The following ZFPM2 variants were observed in gnomAD, a reference collection of about 807,000 sequenced individuals.
The protein encoded by ZFPM2 is zinc finger protein ZFPM2.
Under a neutral mutation model 98.6 loss-of-function variants are expected in ZFPM2, and 20 were observed. That is an observed-to-expected ratio of 0.20 (90% CI 0.14 to 0.29). The LOEUF is 0.29. Ranked by LOEUF, ZFPM2 falls within the 10% of genes least tolerant of loss-of-function variation. The pLI, the probability that ZFPM2 is intolerant of heterozygous loss-of-function variation, is 1.00. For missense variants in ZFPM2, 1,310 were observed against 1,388.6 expected (o/e 0.94, Z 0.90); for synonymous variants, 518 against 502.7 (o/e 1.03, Z -0.41).
chr8:105,356,231 A>C (rs1014476827), intron 1 of ZFPM2, among the ~76,000 whole-genome samples: 4 of 152,134 alleles, frequency 2.6e-5, no homozygotes, highest in African/African-American at 9.7e-5. Context: ...TCCCTTTGGC[A>C]CTTGGTTTTC....
At chr8:105,389,013 C>CGTGTGTGTGTGT (rs142145699) in intron 1 of ZFPM2, among the ~76,000 whole-genome samples, 232 of 134,900 alleles carry the variant, frequency 1.7e-3, no homozygotes, top group East Asian at 5.8e-3. Context: ...AATTTGATGA[C>CGTGTGTGTGTGT]GTGTGTGTGT....
At chr8:105,632,458 C>A (rs1342581111) in intron 4 of ZFPM2, among the ~76,000 whole-genome samples, 2 of 152,098 alleles carry the variant, frequency 1.3e-5, no homozygotes. Flanking sequence ...GAGTGAGCCA[C>A]CACGCCCGAC....
intron 5 of ZFPM2, among the ~76,000 whole-genome samples, chr8:105,782,077 C>T (rs1478511630): frequency 1.3e-5 from 2 of 152,194 alleles, no homozygotes; most frequent in African/African-American, 4.8e-5. Context: ...CTTCCAGCAT[C>T]ATGATCCCAC....
intron 5 of ZFPM2, 62 bp from the exon 6 acceptor site, chr8:105,788,656 A>C: frequency 6.7e-7 from 1 of 1,494,746 alleles, no homozygotes; most frequent in South Asian, 1.1e-5. Context: ...ACATCAATCT[A>C]GTTTACAACA....
At chr8:105,445,183 A>T (rs1193693898) in intron 3 of ZFPM2, among the ~76,000 whole-genome samples, 3 of 152,200 alleles carry the variant, frequency 2.0e-5, no homozygotes. Flanking sequence ...TGACTTTGCA[A>T]ATTGCTCTCT....
chr8:105,363,680 G>A (rs564211727), intron 1 of ZFPM2, among the ~76,000 whole-genome samples: 1 of 152,168 alleles, frequency 6.6e-6, no homozygotes, highest in Non-Finnish European at 1.5e-5. Context: ...ACACACTGTG[G>A]AAGGTGCAAT....
chr8:105,418,496 A>G (rs1586357807), intron 1 of ZFPM2: 1 of 507,106 alleles, frequency 2.0e-6, no homozygotes, highest in Non-Finnish European at 3.9e-6. Flanking sequence ...TATTACTGAA[A>G]AAGTATCACA....
chr8:105,427,601 C>A (rs1811940986), intron 2 of ZFPM2, among the ~76,000 whole-genome samples: 1 of 152,214 alleles, frequency 6.6e-6, no homozygotes, highest in Admixed American at 6.5e-5. Context: ...AAAGTGTTTG[C>A]CCACCCATTA....
At chr8:105,780,983 G>A (rs1813231392) in intron 5 of ZFPM2, among the ~76,000 whole-genome samples, 1 of 152,230 alleles carries the variant, frequency 6.6e-6, no homozygotes, top group South Asian at 2.1e-4. Context: ...TGATCATCAA[G>A]ACACTTTTTT....
At chr8:105,734,766 C>G (rs760629224) in intron 5 of ZFPM2, among the ~76,000 whole-genome samples, 20 of 151,828 alleles carry the variant, frequency 1.3e-4, no homozygotes, top group Non-Finnish European at 2.2e-4. Context: ...TGTCATCACT[C>G]TGGTGTTGAA....
intron 5 of ZFPM2, among the ~76,000 whole-genome samples, chr8:105,728,008 C>T (rs779050786): frequency 2.0e-4 from 30 of 149,910 alleles, no homozygotes; most frequent in Admixed American, 9.3e-4. Context: ...GTCAGATTCA[C>T]GGGACAATGT....
At chr8:105,333,991 A>G (rs1812280177) in intron 1 of ZFPM2, among the ~76,000 whole-genome samples, 1 of 151,650 alleles carries the variant, frequency 6.6e-6, no homozygotes, top group African/African-American at 2.4e-5. Context: ...TATTGTTTTC[A>G]GTTTTTAACC....
intron 5 of ZFPM2, among the ~76,000 whole-genome samples, chr8:105,700,856 G>A (rs761185350): frequency 2.0e-5 from 3 of 152,144 alleles, no homozygotes; most frequent in East Asian, 1.9e-4. Flanking sequence ...CTCCCAAAGC[G>A]CTGGGATTAC....
chr8:105,789,354 G>C (rs201063348), intron 6 of ZFPM2, among the ~76,000 whole-genome samples: 1 of 152,032 alleles, frequency 6.6e-6, no homozygotes, highest in African/African-American at 2.4e-5. Context: ...TTGTTCTTGC[G>C]ATAGTTTACT....
intron 3 of ZFPM2, among the ~76,000 whole-genome samples, chr8:105,447,247 G>T (rs1812393629): frequency 1.3e-5 from 2 of 150,838 alleles, no homozygotes; most frequent in South Asian, 2.1e-4. Context: ...GATTCCATGG[G>T]TTTAGGTTCA....
intron 3 of ZFPM2, among the ~76,000 whole-genome samples, chr8:105,552,022 A>G (rs966995166): frequency 1.3e-5 from 2 of 152,226 alleles, no homozygotes; most frequent in African/African-American, 4.8e-5. Context: ...TTAACAGACT[A>G]CGTGTTGACT....
At chr8:105,540,969 T>A (rs1464814741) in intron 3 of ZFPM2, among the ~76,000 whole-genome samples, 1 of 152,160 alleles carries the variant, frequency 6.6e-6, no homozygotes. Context: ...TGCCACTACA[T>A]GACTTTGAAA....
chr8:105,660,142 A>AT (rs539247907), intron 5 of ZFPM2, among the ~76,000 whole-genome samples: 2,418 of 148,710 alleles, frequency 0.016, 26 homozygotes, highest in African/African-American at 0.041. Flanking sequence ...AGTCAAGTAC[A>AT]TTTTTTTTTT....
chr8:105,492,088 A>G (rs1188671127), intron 3 of ZFPM2, among the ~76,000 whole-genome samples: 2 of 152,202 alleles, frequency 1.3e-5, no homozygotes, highest in African/African-American at 2.4e-5. Flanking sequence ...GCCTACAAAC[A>G]TCAACAATAA....
Sources: gnomAD v4.1 joint callset for allele counts (sites outside exome capture counted in the v4.1 genomes callset) on GRCh38, gnomAD v4.1.1 for gene constraint, MANE v1.5 for transcripts, NCBI Gene and HGNC (gene_info 2026-07-23, HGNC 2026-07-21) for gene names.